The following ABCB7 variants were observed in gnomAD, a reference collection of about 807,000 sequenced individuals.
ABCB7 encodes ATP binding cassette subfamily B member 7.
A neutral mutation model predicts 54.4 loss-of-function variants in ABCB7; 7 were observed. The ratio of observed to expected loss-of-function variants is 0.13; its 90% CI spans 0.07 to 0.24. ABCB7 has a LOEUF of 0.24. Among genes scored for constraint, ABCB7 ranks in the 10% least tolerant of loss-of-function variants. ABCB7 has a pLI of 1.00. For missense variants in ABCB7, 356 were observed against 570.4 expected (o/e 0.62, Z 3.83); for synonymous variants, 218 against 207.1 (o/e 1.05, Z -0.45).
intron 4 of ABCB7, among the ~76,000 whole-genome samples, chrX:75,082,940 A>G (rs757982790): frequency 1.2e-4 from 13 of 111,894 alleles, no homozygotes; most frequent in Admixed American, 2.8e-4. Flanking sequence ...ATCAGAAAAC[A>G]CATAATAAAA....
intron 3 of ABCB7, among the ~76,000 whole-genome samples, chrX:75,101,576 C>A (rs2081640299): frequency 9.0e-6 from 1 of 110,939 alleles, no homozygotes; most frequent in Non-Finnish European, 1.9e-5. Flanking sequence ...ACTGGTAAGA[C>A]CTTTTAAGGC....
intron 4 of ABCB7, among the ~76,000 whole-genome samples, chrX:75,097,793 C>T (rs2081604546): frequency 9.0e-6 from 1 of 111,468 alleles, no homozygotes; most frequent in East Asian, 2.8e-4. Flanking sequence ...ATTTTTAATA[C>T]TTGTATTTTA....
intron 1 of ABCB7, among the ~76,000 whole-genome samples, chrX:75,146,112 T>C (rs756843742): frequency 9.4e-6 from 1 of 106,023 alleles, no homozygotes; most frequent in East Asian, 2.9e-4. Flanking sequence ...TATAAGGAGG[T>C]GAAAGATCTC....
Position 75,156,246 on chromosome X carries a change from C to G in ABCB7, c.27G>C (p.Trp9Cys), listed in dbSNP as rs1387785707. ...AAGCAGCCGCCGCGGCCGCCCAGCG[C>G]CAAGAATGCATCGCGAGCAGCGCCA... is the stretch of plus-strand genomic sequence containing the variant. MALLAMHS[W>C]RWAAAAAAFE... Residue 9 changes from tryptophan (W) to cysteine (C), a missense_variant, in exon 1 of 16, where the codon TGG becomes TGC. Trp to Cys is a radical substitution (Grantham distance 215). Transcript: ENST00000373394. 5.0e-6 allele frequency: 6 copies of G among 1,204,293 alleles called. No individual in the cohort carries two copies. In the South Asian group the frequency reaches 7.2e-5, roughly 14 times the overall value.
chrX:75,066,572 G>A (rs1461111867), intron 12 of ABCB7, among the ~76,000 whole-genome samples: 1 of 110,905 alleles, frequency 9.0e-6, no homozygotes, highest in African/African-American at 3.3e-5. Context: ...ATGGGTAACT[G>A]TGAGATGATG....
In ABCB7 at chrX:75,053,344, CA is replaced by C; in HGVS notation, c.*25del. 1 of 1,209,309 alleles carries C rather than the reference CA, an allele frequency of 8.3e-7. No individual in the cohort carries two copies. Among genetic ancestry groups the C allele is most frequent in the Non-Finnish European group, 1.1e-6 (1 of 894,737 alleles). ...AGTGCAAATATGTAGTCCAAAACAACAAAAAAAGAAAATGTCTTATGTGACT... is the reference window on the plus strand; with the variant it reads ...AGTGCAAATATGTAGTCCAAAACAACAAAAAAGAAAATGTCTTATGTGACT... On this transcript the variant is annotated 3_prime_UTR_variant, in exon 16 of 16. Transcript: ENST00000373394.
intron 4 of ABCB7, 69 bp downstream of exon 4, chrX:75,098,873 C>T: frequency 2.5e-6 from 3 of 1,192,402 alleles, no homozygotes; most frequent in East Asian, 6.0e-5. Flanking sequence ...TTACACCAGG[C>T]CCAGGATTCA....
intron 4 of ABCB7, among the ~76,000 whole-genome samples, chrX:75,093,183 G>A (rs182429951): frequency 8.9e-6 from 1 of 111,959 alleles, no homozygotes; most frequent in Non-Finnish European, 1.9e-5. Context: ...CAACAGGTGA[G>A]TGGATAAACA....
At chrX:75,115,311 A>C (rs1318646041) in intron 1 of ABCB7, among the ~76,000 whole-genome samples, 2 of 103,703 alleles carry the variant, frequency 1.9e-5, no homozygotes, top group East Asian at 5.9e-4. Context: ...GACAAAAATA[A>C]AATTTGTGGT....
At chrX:75,102,710 AG>A (rs767531819) in intron 3 of ABCB7, among the ~76,000 whole-genome samples, 2 of 111,298 alleles carry the variant, frequency 1.8e-5, no homozygotes, top group East Asian at 5.6e-4. Flanking sequence ...TTCTAGTTTT[AG>A]TTTTTTGAGA....
chrX:75,140,698 G>A (rs760343482), intron 1 of ABCB7, among the ~76,000 whole-genome samples: 2 of 111,215 alleles, frequency 1.8e-5, no homozygotes, highest in Admixed American at 1.9e-4. Context: ...CTCCTTTATA[G>A]ACAACCAGGA....
chrX:75,109,924 G>A (rs781261807), intron 3 of ABCB7, among the ~76,000 whole-genome samples: 2 of 112,021 alleles, frequency 1.8e-5, no homozygotes, highest in African/African-American at 3.2e-5. Context: ...GAGTTCAGTC[G>A]ATGTCTAAAA....
chrX:75,070,165 T>G (rs1569219801), intron 10 of ABCB7, among the ~76,000 whole-genome samples, 200 bp downstream of exon 10: 1 of 111,399 alleles, frequency 9.0e-6, no homozygotes, highest in East Asian at 2.8e-4. Flanking sequence ...TGAGCCACCA[T>G]GCGTGGCCAG....
At chrX:75,128,692 C>G (rs2081952702) in intron 1 of ABCB7, among the ~76,000 whole-genome samples, 1 of 111,719 alleles carries the variant, frequency 9.0e-6, no homozygotes, top group Admixed American at 9.5e-5. Flanking sequence ...TGCAATCTAT[C>G]CATCTGACAA....
At chrX:75,122,857 T>C (rs1261437708) in intron 1 of ABCB7, among the ~76,000 whole-genome samples, 3 of 75,823 alleles carry the variant, frequency 4.0e-5, no homozygotes, top group Non-Finnish European at 7.9e-5. Context: ...CATTTTAAAA[T>C]TGGGGTGTGT....
chrX:75,121,982 T>A (rs1411301478), intron 1 of ABCB7, among the ~76,000 whole-genome samples: 1 of 110,883 alleles, frequency 9.0e-6, no homozygotes, highest in East Asian at 2.9e-4. Flanking sequence ...TGGATCTTCA[T>A]CCTTCTGCAA....
chrX:75,081,675 T>G lies in ABCB7; in HGVS notation c.454-5021A>C, dbSNP rs990176105. 8.0e-5 allele frequency among the ~76,000 whole-genome samples: 9 copies of G among 112,189 alleles called. No individual in the cohort carries two copies. The East Asian group carries it at 2.5e-3, about 31-fold the overall frequency. On this transcript the variant is annotated intron_variant, in intron 4 of 15. Transcript: ENST00000373394. ...CATTAATAATATGTGAAAACAATTC[T>G]ATCAGGCTTAATAAAAACACTGAAA...
At chrX:75,136,536 A>G (rs182478517) in intron 1 of ABCB7, among the ~76,000 whole-genome samples, 232 of 112,027 alleles carry the variant, frequency 2.1e-3, no homozygotes, top group African/African-American at 7.2e-3. Context: ...TAGCCAAAAC[A>G]ATCCTAAGCA....
intron 1 of ABCB7, among the ~76,000 whole-genome samples, chrX:75,116,492 C>T (rs1318107808): frequency 9.0e-6 from 1 of 111,411 alleles, no homozygotes; most frequent in Admixed American, 9.6e-5. Context: ...TTCCTTGAGG[C>T]CACTTTACCC....
Sources: gnomAD v4.1 joint callset for allele counts (sites outside exome capture counted in the v4.1 genomes callset) on GRCh38, gnomAD v4.1.1 for gene constraint, MANE v1.5 for transcripts, NCBI Gene and HGNC (gene_info 2026-07-23, HGNC 2026-07-21) for gene names.